ARB2A: variants seen among roughly 807,000 people sequenced by gnomAD.
The protein encoded by ARB2A is cotranscriptional regulator ARB2A.
chr5:93,704,007 C>T, the ARB2A span, among the ~76,000 whole-genome samples: 4 of 152,106 alleles, frequency 2.6e-5, no homozygotes, highest in Admixed American at 6.5e-5. Flanking sequence ...TCTCATGGGG[C>T]TGTTAAAGGT....
At chr5:93,719,874 G>A in the ARB2A span, among the ~76,000 whole-genome samples, 3 of 152,070 alleles carry the variant, frequency 2.0e-5, no homozygotes, top group Non-Finnish European at 4.4e-5. Context: ...TCAGCACTCC[G>A]AAAATTTGTT....
At chr5:93,885,527 T>A in the ARB2A span, among the ~76,000 whole-genome samples, 1 of 151,630 alleles carries the variant, frequency 6.6e-6, no homozygotes, top group Admixed American at 6.6e-5. Flanking sequence ...TCTGGCATCC[T>A]TTATAATGAT....
the ARB2A span, among the ~76,000 whole-genome samples, chr5:93,627,852 T>C: frequency 6.6e-6 from 1 of 152,176 alleles, no homozygotes; most frequent in African/African-American, 2.4e-5. Context: ...AATTTTCTTA[T>C]ACATCTCCAT....
At chr5:94,015,107 T>A in the ARB2A span, among the ~76,000 whole-genome samples, 9 of 151,936 alleles carry the variant, frequency 5.9e-5, no homozygotes, top group African/African-American at 9.7e-5. Context: ...ATAATCTAAC[T>A]GTCAAAAGTC....
At chr5:93,977,510 A>G in the ARB2A span, among the ~76,000 whole-genome samples, 1 of 152,126 alleles carries the variant, frequency 6.6e-6, no homozygotes, top group African/African-American at 2.4e-5. Flanking sequence ...AAAAATAAAC[A>G]ATGGGGAAAG....
chr5:94,052,994 TCTACTTGGCCTTTAAAAG>T, the ARB2A span: 4 of 419,502 alleles, frequency 9.5e-6, no homozygotes, highest in African/African-American at 8.2e-5. Flanking sequence ...CAGAAAACAT[TCTACTTGGCCTTTAAAAG>T]TAGCAAATAA....
the ARB2A span, among the ~76,000 whole-genome samples, chr5:93,972,126 T>G: frequency 6.6e-6 from 1 of 152,134 alleles, no homozygotes; most frequent in Non-Finnish European, 1.5e-5. Context: ...CTCCAGTGGC[T>G]TCACCCCTAC....
At chr5:93,962,420 T>C in the ARB2A span, among the ~76,000 whole-genome samples, 3 of 152,172 alleles carry the variant, frequency 2.0e-5, no homozygotes, top group South Asian at 2.1e-4. Flanking sequence ...GGATTAAACA[T>C]AGGCATGATC....
At chr5:94,097,328 C>T in the ARB2A span, among the ~76,000 whole-genome samples, 10 of 152,220 alleles carry the variant, frequency 6.6e-5, no homozygotes, top group African/African-American at 2.4e-4. Context: ...TGGCCACCCC[C>T]ACAGTTCATC....
the ARB2A span, among the ~76,000 whole-genome samples, chr5:94,067,908 TG>T: frequency 2.6e-5 from 4 of 152,338 alleles, no homozygotes; most frequent in South Asian, 6.2e-4. Flanking sequence ...CATGCTAACC[TG>T]ACTTCGAAAT....
chr5:93,940,116 A>G, the ARB2A span, among the ~76,000 whole-genome samples: 1 of 152,218 alleles, frequency 6.6e-6, no homozygotes, highest in South Asian at 2.1e-4. Flanking sequence ...TATACACACA[A>G]AGCAACAAAA....
chr5:93,798,093 G>C, the ARB2A span, among the ~76,000 whole-genome samples: 1 of 152,070 alleles, frequency 6.6e-6, no homozygotes, highest in Non-Finnish European at 1.5e-5. Context: ...CACAGTCAGA[G>C]CACAAAAGAA....
the ARB2A span, among the ~76,000 whole-genome samples, chr5:93,742,273 T>C: frequency 6.6e-6 from 1 of 152,198 alleles, no homozygotes; most frequent in African/African-American, 2.4e-5. Context: ...CCCAGCTTCT[T>C]GGTCCAGAGT....
the ARB2A span, among the ~76,000 whole-genome samples, chr5:93,855,939 C>G: frequency 6.6e-6 from 1 of 151,842 alleles, no homozygotes; most frequent in Non-Finnish European, 1.5e-5. Flanking sequence ...CAGTTCCTCA[C>G]CAGTAACGGA....
the ARB2A span, among the ~76,000 whole-genome samples, chr5:93,965,804 G>A: frequency 6.6e-5 from 10 of 151,886 alleles, no homozygotes; most frequent in South Asian, 1.9e-3. Flanking sequence ...TGCTGTATTC[G>A]TAATCTAAAA....
At chr5:94,095,024 C>T in the ARB2A span, among the ~76,000 whole-genome samples, 1 of 152,218 alleles carries the variant, frequency 6.6e-6, no homozygotes, top group Non-Finnish European at 1.5e-5. Flanking sequence ...TAACAATACA[C>T]ACAGAGTATG....
chr5:93,639,512 G>A, the ARB2A span, among the ~76,000 whole-genome samples: 2 of 150,862 alleles, frequency 1.3e-5, no homozygotes, highest in Non-Finnish European at 2.9e-5. Flanking sequence ...AAAGGATCCC[G>A]AACTTATTTA....
the ARB2A span, among the ~76,000 whole-genome samples, chr5:94,057,943 G>A: frequency 2.6e-5 from 4 of 152,124 alleles, no homozygotes; most frequent in African/African-American, 7.2e-5. Context: ...GAGCGCAGGG[G>A]AAACTGTTTA....
chr5:93,643,490 T>C, the ARB2A span, among the ~76,000 whole-genome samples: 1 of 152,120 alleles, frequency 6.6e-6, no homozygotes, highest in Non-Finnish European at 1.5e-5. Flanking sequence ...ATGAAGACTT[T>C]TTATTTATTT....
Sources: gnomAD v4.1 joint callset for allele counts (sites outside exome capture counted in the v4.1 genomes callset) on GRCh38, gnomAD v4.1.1 for gene constraint, MANE v1.5 for transcripts, NCBI Gene and HGNC (gene_info 2026-07-23, HGNC 2026-07-21) for gene names.